RCAN2: variants seen among roughly 807,000 people sequenced by gnomAD.
RCAN2 encodes the protein calcipressin-2.
A neutral mutation model predicts 23.6 loss-of-function variants in RCAN2; 9 were observed. That is an observed-to-expected ratio of 0.38 (90% confidence interval 0.23 to 0.67). The LOEUF (loss-of-function observed/expected upper bound fraction) is 0.67, where lower values mean the gene tolerates loss of function less well. Among genes scored for constraint, RCAN2 ranks in the 30% least tolerant of loss-of-function variants. The probability of loss-of-function intolerance (pLI) is 0.51; values close to 1 mark genes in which losing one functional copy is unlikely to be tolerated. For synonymous variants in RCAN2, 109 were observed against 115.7 expected (o/e 0.94, Z 0.37); for missense variants, 273 against 302.3 (o/e 0.90, Z 0.72).
chr6:46,266,398 G>C (rs1279219041), intron 2 of RCAN2, among the ~76,000 whole-genome samples: 1 of 152,094 alleles, frequency 6.6e-6, no homozygotes, highest in East Asian at 1.9e-4. Flanking sequence ...TATTTTGACT[G>C]AGTTTTCTCC....
chr6:46,430,204 A>C (rs1163476847), intron 2 of RCAN2, among the ~76,000 whole-genome samples: 1 of 152,214 alleles, frequency 6.6e-6, no homozygotes, highest in Non-Finnish European at 1.5e-5. Context: ...AGTCGAGATG[A>C]GAGATGCCTG....
At chr6:46,470,860 G>C (rs1219145293) in intron 1 of RCAN2, among the ~76,000 whole-genome samples, 1 of 152,186 alleles carries the variant, frequency 6.6e-6, no homozygotes, top group Non-Finnish European at 1.5e-5. Flanking sequence ...GATGAAATCT[G>C]TCTTCATTGT....
At chr6:46,286,313 T>A (rs935691796) in intron 2 of RCAN2, among the ~76,000 whole-genome samples, 5 of 152,216 alleles carry the variant, frequency 3.3e-5, no homozygotes, top group Non-Finnish European at 7.3e-5. Flanking sequence ...CATAAATCCT[T>A]TTTGACTACA....
chr6:46,378,235 T>C (rs780300352), intron 2 of RCAN2, among the ~76,000 whole-genome samples: 1 of 152,192 alleles, frequency 6.6e-6, no homozygotes, highest in African/African-American at 2.4e-5. Flanking sequence ...TGGCTTCTTA[T>C]GAGTGGATAA....
intron 1 of RCAN2, among the ~76,000 whole-genome samples, chr6:46,485,163 A>G (rs1260760064): frequency 9.2e-5 from 14 of 152,230 alleles, no homozygotes; most frequent in Admixed American, 9.2e-4. Flanking sequence ...AGTATATATG[A>G]TATCTTAAAT....
intron 2 of RCAN2, among the ~76,000 whole-genome samples, chr6:46,266,352 T>C (rs1767326816): frequency 6.6e-6 from 1 of 152,236 alleles, no homozygotes; most frequent in African/African-American, 2.4e-5. Context: ...GACATTGTTT[T>C]TCCTTTGATT....
intron 1 of RCAN2, among the ~76,000 whole-genome samples, chr6:46,485,752 C>T (rs1768974902): frequency 6.6e-6 from 1 of 152,080 alleles, no homozygotes; most frequent in Non-Finnish European, 1.5e-5. Flanking sequence ...ACTAAAACAC[C>T]CCTCTGGCAG....
chr6:46,391,656 G>A (rs1184955407), intron 2 of RCAN2, among the ~76,000 whole-genome samples: 1 of 152,202 alleles, frequency 6.6e-6, no homozygotes, highest in East Asian at 1.9e-4. Flanking sequence ...CCTAAGGTCT[G>A]CTGTGGGCTG....
At chr6:46,467,152 C>T (rs1041347168) in intron 1 of RCAN2, among the ~76,000 whole-genome samples, 6 of 152,184 alleles carry the variant, frequency 3.9e-5, no homozygotes, top group Admixed American at 2.6e-4. Flanking sequence ...CAATGTTGAG[C>T]GCAGGAGCTG....
At chr6:46,229,528 A>G (rs960539684) in intron 4 of RCAN2, among the ~76,000 whole-genome samples, 2 of 152,158 alleles carry the variant, frequency 1.3e-5, no homozygotes, top group Admixed American at 1.3e-4. Context: ...TTGATCTTCA[A>G]TCACTGATAC....
At chr6:46,403,667 G>C (rs1766321926) in intron 2 of RCAN2, among the ~76,000 whole-genome samples, 1 of 151,884 alleles carries the variant, frequency 6.6e-6, no homozygotes, top group South Asian at 2.1e-4. Flanking sequence ...GGTTAGATAA[G>C]GTTAGCAGAA....
At chr6:46,468,768 C>T in intron 1 of RCAN2, 1 of 976,328 alleles carries the variant, frequency 1.0e-6, no homozygotes, top group Non-Finnish European at 1.2e-6. Context: ...CTCTTTCTCT[C>T]TCTCCGCTAG....
At chr6:46,290,152 C>T (rs1039597263) in intron 2 of RCAN2, among the ~76,000 whole-genome samples, 1 of 152,012 alleles carries the variant, frequency 6.6e-6, no homozygotes, top group South Asian at 2.1e-4. Flanking sequence ...AAAAAAAATG[C>T]ATCTTAGGTA....
chr6:46,490,775 T>C (rs1769117137), intron 1 of RCAN2, among the ~76,000 whole-genome samples: 1 of 50,276 alleles, frequency 2.0e-5, no homozygotes, highest in African/African-American at 6.7e-5. Flanking sequence ...TAGTCTCTTC[T>C]AGACCCTCTC....
chr6:46,258,460 A>T (rs1397162198), intron 2 of RCAN2, among the ~76,000 whole-genome samples: 1 of 152,250 alleles, frequency 6.6e-6, no homozygotes, highest in African/African-American at 2.4e-5. Flanking sequence ...CTTCACTAAC[A>T]AGAGAAGCAG....
At chr6:46,427,707 T>C (rs1224429039) in intron 2 of RCAN2, among the ~76,000 whole-genome samples, 3 of 152,212 alleles carry the variant, frequency 2.0e-5, no homozygotes, top group Non-Finnish European at 2.9e-5. Context: ...AATATAGCTG[T>C]ATTGACATAC....
chr6:46,406,067 C>T (rs1337166956), intron 2 of RCAN2, among the ~76,000 whole-genome samples: 1 of 152,224 alleles, frequency 6.6e-6, no homozygotes, highest in Non-Finnish European at 1.5e-5. Context: ...GAATGCGGGG[C>T]CCGCCAAGCC....
chr6:46,365,567 C>CA (rs1235878952), intron 2 of RCAN2, among the ~76,000 whole-genome samples: 1 of 151,858 alleles, frequency 6.6e-6, no homozygotes, highest in Admixed American at 6.6e-5. Context: ...TCCCTGGTGC[C>CA]AAAAAGTTTG....
intron 2 of RCAN2, among the ~76,000 whole-genome samples, chr6:46,283,546 G>T (rs1762270895): frequency 6.6e-6 from 1 of 152,166 alleles, no homozygotes; most frequent in African/African-American, 2.4e-5. Flanking sequence ...TTATACCCAG[G>T]AAGTCAGTGG....
Sources: gnomAD v4.1 joint callset for allele counts (sites outside exome capture counted in the v4.1 genomes callset) on GRCh38, gnomAD v4.1.1 for gene constraint, MANE v1.5 for transcripts, NCBI Gene and HGNC (gene_info 2026-07-23, HGNC 2026-07-21) for gene names.